The following KLHL29 variants were observed in gnomAD, a reference collection of about 807,000 sequenced individuals.
KLHL29 encodes the protein kelch like family member 29, also known as kelch-like protein 29.
KLHL29 carries 21 observed loss-of-function variants against 80.4 expected under a neutral mutation model. The observed-to-expected ratio is 0.26, with a 90% CI of 0.19 to 0.38. KLHL29 has a LOEUF of 0.38. Ranked by LOEUF, KLHL29 falls within the 10% of genes least tolerant of loss-of-function variation. The pLI, the probability that KLHL29 is intolerant of heterozygous loss-of-function variation, is 1.00. For missense variants in KLHL29, 867 were observed against 1,223.9 expected (o/e 0.71, Z 4.35); for synonymous variants, 511 against 526.8 (o/e 0.97, Z 0.41).
intron 3 of KLHL29, among the ~76,000 whole-genome samples, chr2:23,606,204 G>GGC (rs1307868282): frequency 2.0e-5 from 3 of 148,626 alleles, no homozygotes; most frequent in Non-Finnish European, 3.0e-5. Flanking sequence ...GAGAGAGGGA[G>GGC]AGAGAGAGAG....
intron 5 of KLHL29, among the ~76,000 whole-genome samples, chr2:23,673,176 C>T (rs766732953): frequency 6.6e-5 from 10 of 152,164 alleles, no homozygotes; most frequent in East Asian, 3.9e-4. Context: ...GGCACAGACA[C>T]GCACCCATGC....
chr2:23,621,598 G>A (rs2149143761), intron 3 of KLHL29, among the ~76,000 whole-genome samples: 1 of 152,210 alleles, frequency 6.6e-6, no homozygotes, highest in East Asian at 1.9e-4. Flanking sequence ...GTGCTAATGG[G>A]ACAGACCCCC....
intron 1 of KLHL29, among the ~76,000 whole-genome samples, chr2:23,387,966 C>T (rs1045572871): frequency 1.8e-4 from 27 of 152,140 alleles, no homozygotes; most frequent in Admixed American, 5.2e-4. Flanking sequence ...TTCTTCTCCT[C>T]GGTCTCTCGG....
At chr2:23,663,155 C>G (rs1464116135) in intron 5 of KLHL29, among the ~76,000 whole-genome samples, 1 of 152,208 alleles carries the variant, frequency 6.6e-6, no homozygotes, top group African/African-American at 2.4e-5. Flanking sequence ...CTCCCAGCCC[C>G]CAAACCCCGC....
chr2:23,663,058 G>A (rs1014142947), intron 5 of KLHL29, among the ~76,000 whole-genome samples: 3 of 152,106 alleles, frequency 2.0e-5, no homozygotes, highest in African/African-American at 4.8e-5. Flanking sequence ...TCTCATCAGC[G>A]GTCTCCGAGA....
chr2:23,511,982 A>T (rs1173715069), intron 2 of KLHL29, among the ~76,000 whole-genome samples: 1 of 152,166 alleles, frequency 6.6e-6, no homozygotes, highest in Non-Finnish European at 1.5e-5. Context: ...AGTTGACAGG[A>T]GACCACACAG....
chr2:23,698,122 C>T (rs1480922253), intron 11 of KLHL29, among the ~76,000 whole-genome samples: 1 of 152,218 alleles, frequency 6.6e-6, no homozygotes, highest in Non-Finnish European at 1.5e-5. Context: ...CAGGGGTTGC[C>T]TGTATGGGCC....
intron 3 of KLHL29, among the ~76,000 whole-genome samples, chr2:23,607,716 T>C (rs1342045447): frequency 6.6e-6 from 1 of 152,132 alleles, no homozygotes; most frequent in Non-Finnish European, 1.5e-5. Flanking sequence ...GTGAACCCTA[T>C]TGTGAACTGT....
rs1671194921 is a variant in KLHL29, at chr2:23,684,905, A to G, written c.1079+368A>G. On this transcript the variant is annotated intron_variant, in intron 6 of 13. Transcript: ENST00000486442. The surrounding 1 kb of genome is among the most constrained non-coding windows in gnomAD (Gnocchi z 4.4). ...GCTCCATTTTAAGGGATCACTACAC[A>G]CTGCCCCCACCGGGCCAGAGCAGGA... Among the ~76,000 whole-genome samples, 2 of 151,934 alleles carry G rather than the reference A, an allele frequency of 1.3e-5. No individual in the cohort carries two copies. Among genetic ancestry groups the G allele is most frequent in the Admixed American group, 1.3e-4 (2 of 15,274 alleles).
chr2:23,463,373 GTCT>G (rs1366157213), intron 1 of KLHL29, among the ~76,000 whole-genome samples: 3 of 152,038 alleles, frequency 2.0e-5, no homozygotes, highest in Admixed American at 2.0e-4. Context: ...GTTAATTAGA[GTCT>G]TCTTACTGAT....
chr2:23,396,277 T>C (rs1666450937), intron 1 of KLHL29, among the ~76,000 whole-genome samples: 1 of 152,198 alleles, frequency 6.6e-6, no homozygotes, highest in Non-Finnish European at 1.5e-5. Context: ...TCGGTCTCCC[T>C]GATGCTGAGT....
chr2:23,661,356 A>AAT (rs35571840), intron 5 of KLHL29, among the ~76,000 whole-genome samples: 24 of 150,694 alleles, frequency 1.6e-4, no homozygotes, highest in Admixed American at 6.0e-4. Context: ...AAAAAAAAAA[A>AAT]CCATGAAAAA....
At chr2:23,617,268 C>T (rs1237749065) in intron 3 of KLHL29, 1 of 152,242 alleles carries the variant, frequency 6.6e-6, no homozygotes, top group East Asian at 1.9e-4. Context: ...GCTTCACACC[C>T]ACTCACGCCT....
chr2:23,643,028 GA>G (rs948039636), intron 5 of KLHL29, 178 bp downstream of exon 5: 6 of 785,794 alleles, frequency 7.6e-6, no homozygotes, highest in Non-Finnish European at 1.3e-5. Flanking sequence ...ATGGGGGAGG[GA>G]GGGGGAAGGT....
rs561486243 is a variant in KLHL29, at chr2:23,598,537, A to G, written c.285+36056A>G. ...TGCACAGTGCCTGCTACAGCCATGGACAGCTGTGTGGAAGTCATCACCACA... is the reference window on the plus strand; with the variant it reads ...TGCACAGTGCCTGCTACAGCCATGGGCAGCTGTGTGGAAGTCATCACCACA... On this transcript the variant is annotated intron_variant, in intron 3 of 13. Coordinates refer to ENST00000486442, the MANE Select transcript of KLHL29 (RefSeq NM_052920.2). Among the ~76,000 whole-genome samples the G allele has an allele frequency of 7.2e-5, 11 of 152,308 alleles. No individual in the cohort carries two copies. The South Asian group carries it at 2.3e-3, about 32-fold the overall frequency.
intron 5 of KLHL29, among the ~76,000 whole-genome samples, chr2:23,658,245 T>C (rs375798727): frequency 7.2e-5 from 11 of 152,096 alleles, no homozygotes; most frequent in Admixed American, 2.0e-4. Flanking sequence ...GCTCCCAGCC[T>C]GTGCCACCAG....
intron 1 of KLHL29, among the ~76,000 whole-genome samples, chr2:23,450,829 C>A (rs1402332432): frequency 6.6e-6 from 1 of 152,170 alleles, no homozygotes; most frequent in African/African-American, 2.4e-5. Context: ...GTGCAACCAT[C>A]CCTATGGCTT....
chr2:23,631,226 C>T (rs1337996905), intron 3 of KLHL29, among the ~76,000 whole-genome samples: 2 of 152,144 alleles, frequency 1.3e-5, no homozygotes, highest in African/African-American at 4.8e-5. Context: ...CGTCCTCTGC[C>T]CCCACCCAGG....
chr2:23,703,846 C>T lies in KLHL29; in HGVS notation c.2427C>T (p.His809=), dbSNP rs1421681046. 1 of 1,537,126 alleles carries T rather than the reference C, an allele frequency of 6.5e-7. No individual in the cohort carries two copies. The highest frequency in any genetic ancestry group is 2.0e-5 in the Admixed American group (1 of 50,948). ...TTAAGGCGGGCCCAAACATGAACCA[C>T]TCTCGCCAGTTCTGCAGGTGAGAGG... is the stretch of plus-strand genomic sequence containing the variant. ...GNIKAGPNMN[H]SRQFCSAVVL... Residue 809 remains histidine (H), a synonymous_variant, in exon 13 of 14, where the codon CAC becomes CAT. Transcript: ENST00000486442.
Sources: allele counts gnomAD v4.1 joint callset (sites outside exome capture counted in the v4.1 genomes callset), GRCh38; gene constraint gnomAD v4.1.1; non-coding constraint Gnocchi (gnomAD v3.1); transcripts MANE v1.5; gene names NCBI Gene and HGNC (gene_info 2026-07-23, HGNC 2026-07-21).